The following ACSBG1 variants were observed in gnomAD, a reference collection of about 807,000 sequenced individuals.
ACSBG1 encodes acyl-CoA synthetase bubblegum family member 1, also known as long-chain-fatty-acid--CoA ligase ACSBG1.
A neutral mutation model predicts 80.2 loss-of-function variants in ACSBG1; 39 were observed. That is an observed-to-expected ratio of 0.49 (90% CI 0.38 to 0.64). The LOEUF is 0.64. Among genes scored for constraint, ACSBG1 ranks in the 30% least tolerant of loss-of-function variants. The pLI, the probability that ACSBG1 is intolerant of heterozygous loss-of-function variation, is 0.00. For synonymous variants in ACSBG1, 392 were observed against 379.5 expected (o/e 1.03, Z -0.38); for missense variants, 828 against 966.4 (o/e 0.86, Z 1.90).
Position 78,173,623 on chromosome 15 carries a change from T to C in ACSBG1, c.2059A>G (p.Arg687Gly). Residue 687 changes from arginine to glycine, a missense_variant, in exon 13 of 14, where the codon AGA (arginine) becomes GGA (glycine). Transcript: ENST00000258873. ...YHIQKWAILE[R>G]DFSISGGELG... ...TCTCCACCCGAAATGGAGAAGTCTC[T>C]CTCGAGAATGGCCCACTTCTGGATG... 2 of 1,614,136 alleles carry C rather than the reference T, an allele frequency of 1.2e-6. No individual in the cohort carries two copies. The highest frequency in any genetic ancestry group is 8.5e-7 in the Non-Finnish European group (1 of 1,180,016).
Position 78,168,536 on chromosome 15 carries a change from G to T in ACSBG1, c.*2908C>A, listed in dbSNP as rs915928644. 4.5e-5 allele frequency: 7 copies of T among 155,194 alleles called. No individual in the cohort carries two copies. The allele number at this position is 155,194 out of a possible 1,614,324, so 9.6% of individuals were successfully genotyped here. On this transcript the variant is annotated 3_prime_UTR_variant, in exon 14 of 14. Transcript: ENST00000258873. ...AAAAATAGATCAAAATATGTCTCAG[G>T]TCTATTCCTGAGACATATTTCCCAA...
chr15:78,179,140 C>A (rs186559551), intron 10 of ACSBG1, among the ~76,000 whole-genome samples: 1 of 152,254 alleles, frequency 6.6e-6, no homozygotes, highest in Non-Finnish European at 1.5e-5. Context: ...GAACTGACCG[C>A]CCTCACCGTC....
At chr15:78,183,553 A>G (rs1489542050) in intron 5 of ACSBG1, among the ~76,000 whole-genome samples, 1 of 152,120 alleles carries the variant, frequency 6.6e-6, no homozygotes, top group African/African-American at 2.4e-5. Flanking sequence ...CTCCAGAGAG[A>G]GACTCTGTCT....
At chr15:78,193,367 T>G in intron 5 of ACSBG1, 139 bp downstream of exon 5, 1 of 1,262,538 alleles carries the variant, frequency 7.9e-7, no homozygotes, top group South Asian at 1.6e-5. Context: ...CTGCCTTGCT[T>G]GCTGTGTATG....
chr15:78,179,016 TGAAG>T (rs926851869), intron 10 of ACSBG1, 185 bp from the exon 11 acceptor site: 12 of 608,816 alleles, frequency 2.0e-5, no homozygotes, highest in African/African-American at 7.4e-5. Context: ...TTTTAGGGAA[TGAAG>T]GAAGGAAGGA....
intron 2 of ACSBG1, among the ~76,000 whole-genome samples, chr15:78,195,544 C>G (rs2141350386): frequency 6.6e-6 from 1 of 152,188 alleles, no homozygotes; most frequent in East Asian, 1.9e-4. Flanking sequence ...TTGGACAAGC[C>G]ACTGAACCAC....
intron 1 of ACSBG1, among the ~76,000 whole-genome samples, chr15:78,215,125 C>T (rs1031802597): frequency 6.6e-6 from 1 of 151,970 alleles, no homozygotes; most frequent in African/African-American, 2.4e-5. Context: ...GCTATATTAA[C>T]GACCCCAATC....
rs114004345 is a variant in ACSBG1, at chr15:78,208,540, C to G, written c.132-438G>C. Among the ~76,000 whole-genome samples the G allele has an allele frequency of 9.1e-3, 1,388 of 152,328 alleles. 23 individuals are homozygous for G. Among genetic ancestry groups the G allele is most frequent in the African/African-American group, 0.032 (1,344 of 41,574 alleles). Reference sequence around the variant, plus strand: ...CCCCATCTGTCACTCCCTGTACCCACCAGTCCCCAGCCATGCCCAGAAACT... The same window carrying G: ...CCCCATCTGTCACTCCCTGTACCCAGCAGTCCCCAGCCATGCCCAGAAACT... On this transcript the variant is annotated intron_variant, in intron 1 of 13. Transcript: ENST00000258873.
chr15:78,173,419 A>C (rs1036815479), intron 13 of ACSBG1, among the ~76,000 whole-genome samples, 174 bp downstream of exon 13: 2 of 150,658 alleles, frequency 1.3e-5, no homozygotes, highest in African/African-American at 4.9e-5. Context: ...ACATAACCAC[A>C]AGCCCATGCA....
chr15:78,207,833 T>C (rs1456470870), intron 2 of ACSBG1, 169 bp downstream of exon 2: 1 of 611,790 alleles, frequency 1.6e-6, no homozygotes, highest in Non-Finnish European at 2.9e-6. Flanking sequence ...ATGGCAGCCA[T>C]GAAGGAAGGG....
chr15:78,197,959 G>C (rs2075130384), intron 2 of ACSBG1, among the ~76,000 whole-genome samples: 1 of 152,094 alleles, frequency 6.6e-6, no homozygotes, highest in Non-Finnish European at 1.5e-5. Flanking sequence ...GTTCACCCAG[G>C]TTGCCAAGAA....
chr15:78,212,525 G>A (rs1379688328), intron 1 of ACSBG1: 4 of 455,260 alleles, frequency 8.8e-6, no homozygotes, highest in Middle Eastern at 3.3e-4. Context: ...GGAGGCGGGG[G>A]AAGGTGGGCT....
At chr15:78,180,061 C>CA (rs1375481005) in intron 9 of ACSBG1, among the ~76,000 whole-genome samples, 15 of 152,292 alleles carry the variant, frequency 9.8e-5, no homozygotes, top group African/African-American at 3.1e-4. Flanking sequence ...ACAACACAGA[C>CA]ACATGCCATT....
chr15:78,204,340 G>T (rs1567091309), intron 2 of ACSBG1, among the ~76,000 whole-genome samples: 1 of 152,236 alleles, frequency 6.6e-6, no homozygotes. Context: ...CCCTGTAAAG[G>T]TGAGCATGCT....
At chr15:78,220,619 T>A (rs537025910) in intron 1 of ACSBG1, among the ~76,000 whole-genome samples, 2 of 152,256 alleles carry the variant, frequency 1.3e-5, no homozygotes, top group East Asian at 3.9e-4. Context: ...TACAACTCAA[T>A]AATAAGAAGA....
chr15:78,181,743 T>G (rs1424732977), intron 8 of ACSBG1, among the ~76,000 whole-genome samples: 1 of 152,160 alleles, frequency 6.6e-6, no homozygotes, highest in Non-Finnish European at 1.5e-5. Context: ...TGTGCCTGCC[T>G]CGGCCTCCCA....
At chr15:78,217,787 G>C (rs903939658) in intron 1 of ACSBG1, among the ~76,000 whole-genome samples, 1 of 152,070 alleles carries the variant, frequency 6.6e-6, no homozygotes, top group Non-Finnish European at 1.5e-5. Flanking sequence ...GGCTGGTCTC[G>C]TACTCCTGAC....
chr15:78,189,270 T>C (rs1595886774), intron 5 of ACSBG1, among the ~76,000 whole-genome samples: 1 of 150,184 alleles, frequency 6.7e-6, no homozygotes, highest in East Asian at 1.9e-4. Context: ...TGCCGATTCC[T>C]CAGGGATCTA....
intron 11 of ACSBG1, among the ~76,000 whole-genome samples, chr15:78,176,580 TA>T (rs1269235876): frequency 2.0e-5 from 3 of 152,036 alleles, no homozygotes; most frequent in Non-Finnish European, 2.9e-5. Flanking sequence ...TAAAATACCT[TA>T]AAAAATTCTT....
Sources: allele counts gnomAD v4.1 joint callset (sites outside exome capture counted in the v4.1 genomes callset), GRCh38; gene constraint gnomAD v4.1.1; transcripts MANE v1.5; gene names NCBI Gene and HGNC (gene_info 2026-07-23, HGNC 2026-07-21).